COX7B2: variants seen among roughly 807,000 people sequenced by gnomAD.
COX7B2 encodes cytochrome c oxidase subunit 7B2.
For synonymous variants in COX7B2, 37 were observed against 32.1 expected, an observed-to-expected ratio of 1.15 and a Z score of -0.51; for missense variants, 109 against 95.9, an observed-to-expected ratio of 1.14 and a Z score of -0.57.
intron 2 of COX7B2, among the ~76,000 whole-genome samples, chr4:46,795,436 G>C (rs1718272785): frequency 1.0e-5 from 1 of 100,112 alleles, no homozygotes; most frequent in African/African-American, 4.6e-5. Flanking sequence ...AGTTTTCCCA[G>C]CACCATTTAT....
chr4:46,890,229 T>C (rs562804604), intron 1 of COX7B2, among the ~76,000 whole-genome samples: 1 of 152,330 alleles, frequency 6.6e-6, no homozygotes, highest in East Asian at 1.9e-4. Flanking sequence ...GTTTGCATAA[T>C]CACAAGGATT....
intron 2 of COX7B2, among the ~76,000 whole-genome samples, chr4:46,773,101 G>A (rs1387040095): frequency 1.3e-5 from 2 of 152,032 alleles, no homozygotes; most frequent in Non-Finnish European, 2.9e-5. Context: ...CATGAAATAC[G>A]ATGTCTATTT....
At position 46,793,297 on chromosome 4, in the gene COX7B2, T is replaced by G. The variant is rs531075321; in HGVS notation, c.-50+51663A>C. Among the ~76,000 whole-genome samples the G allele has an allele frequency of 1.5e-3, 210 of 138,508 alleles. 1 individual carries two copies. Among genetic ancestry groups the G allele is most frequent in the African/African-American group, 4.9e-3 (183 of 37,152 alleles). 90.9% of individuals were successfully genotyped at this position (138,508 alleles called of 152,430 possible). A position where few individuals can be genotyped will look rare whatever the true frequency, so the allele number is the denominator to read the frequency against. The stretch of plus-strand genomic sequence containing the variant: ...CCAGACTGGTATCTTCCCGGCTGGA[T>G]GGGGGTTATCTCGGGGCTAGCATGT... On this transcript the variant is annotated intron_variant, in intron 2 of 2. Coordinates refer to ENST00000355591, the MANE Select transcript of COX7B2 (RefSeq NM_130902.3).
At chr4:46,751,041 A>C (rs2109430636) in intron 2 of COX7B2, among the ~76,000 whole-genome samples, 1 of 152,276 alleles carries the variant, frequency 6.6e-6, no homozygotes. Context: ...TTGACAACTT[A>C]ATCAGCAACA....
At chr4:46,878,726 C>A (rs1345422109) in intron 1 of COX7B2, among the ~76,000 whole-genome samples, 1 of 152,112 alleles carries the variant, frequency 6.6e-6, no homozygotes, top group Non-Finnish European at 1.5e-5. Flanking sequence ...ACCTCATGGG[C>A]AACTATGATT....
chr4:46,888,424 G>A (rs1719212377), intron 1 of COX7B2, among the ~76,000 whole-genome samples: 1 of 151,572 alleles, frequency 6.6e-6, no homozygotes, highest in African/African-American at 2.4e-5. Flanking sequence ...CTGGACAGGG[G>A]CAGATTATGT....
At chr4:46,811,806 T>C (rs543808324) in intron 2 of COX7B2, among the ~76,000 whole-genome samples, 2 of 152,308 alleles carry the variant, frequency 1.3e-5, no homozygotes, top group East Asian at 1.9e-4. Flanking sequence ...GACTTTCACA[T>C]ACAGGTTGAA....
chr4:46,864,348 ATTT>A (rs34007076), intron 1 of COX7B2, among the ~76,000 whole-genome samples: 1 of 147,162 alleles, frequency 6.8e-6, no homozygotes, highest in Non-Finnish European at 1.5e-5. Flanking sequence ...CACCCACGAC[ATTT>A]TTTTTTTTAA....
intron 2 of COX7B2, among the ~76,000 whole-genome samples, chr4:46,776,654 T>C (rs1352237837): frequency 6.6e-6 from 1 of 152,096 alleles, no homozygotes; most frequent in Non-Finnish European, 1.5e-5. Flanking sequence ...AAAAGAGTAA[T>C]TAATAATCCC....
chr4:46,785,600 T>C (rs564663146), intron 2 of COX7B2, among the ~76,000 whole-genome samples: 3 of 152,334 alleles, frequency 2.0e-5, no homozygotes, highest in African/African-American at 7.2e-5. Context: ...AAAGATTAGA[T>C]TTCTTCATAT....
At position 46,837,274 on chromosome 4, in the gene COX7B2, TACACACACACACACAC is replaced by T. The variant is rs33927124; in HGVS notation, c.-50+7670_-50+7685del. 5.1e-3 allele frequency among the ~76,000 whole-genome samples: 677 copies of T among 133,356 alleles called. 2 individuals are homozygous for T. Among genetic ancestry groups the T allele is most frequent in the Non-Finnish European group, 8.2e-3 (496 of 60,290 alleles). The allele number at this position is 133,356 out of a possible 152,430, so 87.5% of individuals were successfully genotyped here. A position where few individuals can be genotyped will look rare whatever the true frequency, so the allele number is the denominator to read the frequency against. ...AATGTAGTATGAACACACAAAGACA[TACACACACACACACAC>T]ACACACACACACACACACACACACA... is the stretch of plus-strand genomic sequence containing the variant. On this transcript the variant is annotated intron_variant, in intron 2 of 2. Transcript: ENST00000355591.
chr4:46,820,001 A>G (rs564348623), intron 2 of COX7B2, among the ~76,000 whole-genome samples: 1 of 152,292 alleles, frequency 6.6e-6, no homozygotes, highest in African/African-American at 2.4e-5. Flanking sequence ...GACCCCCAAC[A>G]TTTTTGGTAC....
rs147583967 is a variant in COX7B2, at chr4:46,853,241, C to A, written c.-104-8227G>T. Among the ~76,000 whole-genome samples the A allele has an allele frequency of 5.8e-3, 884 of 152,182 alleles. 14 individuals are homozygous for A. The highest frequency in any genetic ancestry group is 0.02 in the African/African-American group (839 of 41,530). ...TGAGTAACAGGGATTAGCTGTATTT[C>A]TTTATCTGTTTATCAGTATATACGC... On this transcript the variant is annotated intron_variant, in intron 1 of 2. Coordinates refer to ENST00000355591, the MANE Select transcript of COX7B2 (RefSeq NM_130902.3).
chr4:46,849,407 A>G (rs538556231), intron 1 of COX7B2, among the ~76,000 whole-genome samples: 3 of 152,100 alleles, frequency 2.0e-5, no homozygotes, highest in South Asian at 4.1e-4. Context: ...ACTATTTTCT[A>G]TTTTTTAAAT....
chr4:46,791,256 G>A (rs539638795), intron 2 of COX7B2, among the ~76,000 whole-genome samples: 4 of 151,068 alleles, frequency 2.6e-5, no homozygotes, highest in South Asian at 4.2e-4. Flanking sequence ...TGATCCTCCC[G>A]CCTTGGCCTC....
At chr4:46,821,442 A>T (rs1340613128) in intron 2 of COX7B2, among the ~76,000 whole-genome samples, 1 of 152,210 alleles carries the variant, frequency 6.6e-6, no homozygotes, top group Non-Finnish European at 1.5e-5. Context: ...AAATTAGTAC[A>T]CAACACAATA....
Position 46,752,482 on chromosome 4 carries a change from T to A in COX7B2, c.-49-17241A>T, listed in dbSNP as rs530857548. Among the ~76,000 whole-genome samples the A allele has an allele frequency of 3.9e-5, 6 of 152,286 alleles. No homozygotes were observed. The South Asian group carries it at 6.2e-4, about 16-fold the overall frequency. On this transcript the variant is annotated intron_variant, in intron 2 of 2. Coordinates refer to ENST00000355591, the MANE Select transcript of COX7B2 (RefSeq NM_130902.3). ...TGAATACGAGTGGTGAGAGAGGGCA[T>A]CCCTGTCTTGTGCCAATTTTCAAGC... is the stretch of plus-strand genomic sequence containing the variant.
chr4:46,876,561 C>G (rs978036033), intron 1 of COX7B2: 1 of 152,008 alleles, frequency 6.6e-6, no homozygotes, highest in Non-Finnish European at 1.5e-5. Context: ...CCCACGACCA[C>G]GCTTGGCTAA....
intron 1 of COX7B2, among the ~76,000 whole-genome samples, chr4:46,887,710 CA>C (rs564556459): frequency 0.042 from 1,750 of 41,638 alleles, 21 homozygotes; most frequent in African/African-American, 0.12. Context: ...GACTCCTTCT[CA>C]AAAAAAAAAA....
Sources: allele counts gnomAD v4.1 joint callset (sites outside exome capture counted in the v4.1 genomes callset), GRCh38; gene constraint gnomAD v4.1.1; transcripts MANE v1.5; gene names NCBI Gene and HGNC (gene_info 2026-07-23, HGNC 2026-07-21).